RBFOX3: variants seen among roughly 807,000 people sequenced by gnomAD.
The protein encoded by RBFOX3 is RNA binding fox-1 homolog 3.
In RBFOX3, 17 loss-of-function variants were observed where a neutral mutation model predicts 48.7. That is an observed-to-expected ratio of 0.35 (90% confidence interval 0.24 to 0.52). The LOEUF (loss-of-function observed/expected upper bound fraction) is 0.52. Among genes scored for constraint, RBFOX3 ranks in the 20% least tolerant of loss-of-function variants. The probability of loss-of-function intolerance (pLI) is 0.94; values close to 1 mark genes in which losing one functional copy is unlikely to be tolerated. For synonymous variants in RBFOX3, 212 were observed against 209.5 expected (o/e 1.01, Z -0.10); for missense variants, 382 against 497.5 (o/e 0.77, Z 2.21).
In RBFOX3 at chr17:79,243,764, A is replaced by G. The variant is rs1223677168; in HGVS notation, c.-73-7959T>C. On this transcript the variant is annotated intron_variant, in intron 3 of 14. Coordinates refer to ENST00000693108, the MANE Select transcript of RBFOX3 (RefSeq NM_001350451.2). The surrounding 1 kb of genome is among the most constrained non-coding windows in gnomAD (Gnocchi z 7.9). ...CCCTGGGTCAGCCAGGCTCAGAAACAGAAGCCCAGAGAAGGAATTTTGCCA... is the reference window on the plus strand; with the variant it reads ...CCCTGGGTCAGCCAGGCTCAGAAACGGAAGCCCAGAGAAGGAATTTTGCCA... Among the ~76,000 whole-genome samples, 1 of 152,196 alleles carries G rather than the reference A, an allele frequency of 6.6e-6. No individual in the cohort carries two copies. Among genetic ancestry groups the G allele is most frequent in the African/African-American group, 2.4e-5 (1 of 41,452 alleles).
intron 4 of RBFOX3, among the ~76,000 whole-genome samples, chr17:79,133,795 C>T (rs1618632): frequency 0.18 from 26,909 of 152,160 alleles, 2,554 homozygotes; most frequent in Middle Eastern, 0.22. Context: ...CCAAAGCTCC[C>T]TCCCAGGGCC....
At chr17:79,399,782 C>T (rs1182890369) in intron 2 of RBFOX3, among the ~76,000 whole-genome samples, 1 of 152,236 alleles carries the variant, frequency 6.6e-6, no homozygotes, top group African/African-American at 2.4e-5. Flanking sequence ...GAGCAGCAGA[C>T]ACCACAGACC....
intron 6 of RBFOX3, among the ~76,000 whole-genome samples, chr17:79,106,357 T>C (rs2077366193): frequency 6.6e-6 from 1 of 151,734 alleles, no homozygotes; most frequent in Admixed American, 6.6e-5. Context: ...CTGGGGGGCA[T>C]GGGTGGATTT....
chr17:79,255,220 T>TGG (rs1449440306), intron 3 of RBFOX3, among the ~76,000 whole-genome samples: 4 of 116,650 alleles, frequency 3.4e-5, no homozygotes, highest in Non-Finnish European at 7.1e-5. Context: ...GTCACATGTG[T>TGG]GCGTGTGTGT....
intron 4 of RBFOX3, among the ~76,000 whole-genome samples, chr17:79,182,964 C>T (rs2052453342): frequency 6.6e-6 from 1 of 150,446 alleles, no homozygotes; most frequent in Non-Finnish European, 1.5e-5. Flanking sequence ...CCCCTCCCCT[C>T]GGGCTTCCCC....
chr17:79,239,478 C>T (rs933065744), intron 3 of RBFOX3, among the ~76,000 whole-genome samples: 3 of 152,228 alleles, frequency 2.0e-5, no homozygotes, highest in Non-Finnish European at 2.9e-5. Context: ...CATGCAGTCA[C>T]ACCCTTCAGC....
chr17:79,485,540 C>T (rs1167192377), intron 1 of RBFOX3, among the ~76,000 whole-genome samples: 1 of 152,218 alleles, frequency 6.6e-6, no homozygotes, highest in East Asian at 1.9e-4. Flanking sequence ...GCTCCTCCCC[C>T]ATCCAGCCTA....
chr17:79,651,796 T>C, the RBFOX3 span, among the ~76,000 whole-genome samples: 1 of 142,012 alleles, frequency 7.0e-6, no homozygotes, highest in African/African-American at 2.7e-5. Context: ...CTTCTCCCTC[T>C]CCTTCTCTGT....
intron 2 of RBFOX3, among the ~76,000 whole-genome samples, chr17:79,350,128 G>A (rs900912940): frequency 4.6e-5 from 7 of 152,152 alleles, no homozygotes; most frequent in South Asian, 2.1e-4. Context: ...GGAGGAGAGC[G>A]CCCAGGATGC....
chr17:79,116,458 C>T lies in RBFOX3; in HGVS notation c.-33-710G>A, dbSNP rs146041929. 3.8e-3 allele frequency among the ~76,000 whole-genome samples: 578 copies of T among 152,322 alleles called. 8 individuals carry two copies. The highest frequency in any genetic ancestry group is 0.013 in the African/African-American group (551 of 41,550). ...TCAACCTGGGAGGCAGGGGTTGCAGCGAGCCAAAATCGCACTATTGCGCTC... is the reference window on the plus strand; with the variant it reads ...TCAACCTGGGAGGCAGGGGTTGCAGTGAGCCAAAATCGCACTATTGCGCTC... On this transcript the variant is annotated intron_variant, in intron 4 of 14. Coordinates refer to ENST00000693108, the MANE Select transcript of RBFOX3 (RefSeq NM_001350451.2).
At chr17:79,178,007 A>C (rs986122699) in intron 4 of RBFOX3, among the ~76,000 whole-genome samples, 1 of 151,876 alleles carries the variant, frequency 6.6e-6, no homozygotes, top group Non-Finnish European at 1.5e-5. Flanking sequence ...CACAGCCCAC[A>C]TGCCCCGCCG....
chr17:79,551,865 C>T (rs1455363222), intron 1 of RBFOX3, among the ~76,000 whole-genome samples: 1 of 152,194 alleles, frequency 6.6e-6, no homozygotes, highest in Admixed American at 6.5e-5. Context: ...GTACAGCCTG[C>T]TCATGGCCAA....
intron 3 of RBFOX3, among the ~76,000 whole-genome samples, chr17:79,288,599 A>G (rs2072538882): frequency 1.3e-5 from 2 of 151,766 alleles, no homozygotes; most frequent in Admixed American, 1.3e-4. Flanking sequence ...CTCCTGCATG[A>G]TCCCTCGCCC....
intron 1 of RBFOX3, among the ~76,000 whole-genome samples, chr17:79,510,070 G>A (rs910896662): frequency 1.3e-5 from 2 of 152,112 alleles, no homozygotes; most frequent in Admixed American, 6.5e-5. Flanking sequence ...CTCAAGTGGC[G>A]GCGTGAATGG....
At chr17:79,233,631 G>A (rs993007582) in intron 4 of RBFOX3, 2 of 151,056 alleles carry the variant, frequency 1.3e-5, no homozygotes, top group East Asian at 1.9e-4. Context: ...TTTTTTAGAC[G>A]GAGTTTTGCT....
Position 79,111,063 on chromosome 17 carries a change from A to G in RBFOX3, c.223-4275T>C, listed in dbSNP as rs1203673812. ...ACTGTGAAGCCTGTAGTTATAGATG[A>G]GGTGGTCCAAATGGAAGATCAGGGC... is the stretch of plus-strand genomic sequence containing the variant. On this transcript the variant is annotated intron_variant, in intron 5 of 14. Coordinates refer to ENST00000693108, the MANE Select transcript of RBFOX3 (RefSeq NM_001350451.2). The surrounding 1 kb of genome is among the most constrained non-coding windows in gnomAD (Gnocchi z 4.2). 6.6e-6 allele frequency among the ~76,000 whole-genome samples: 1 copy of G among 152,192 alleles called. No homozygotes were observed. The highest frequency in any genetic ancestry group is 2.4e-5 in the African/African-American group (1 of 41,454).
chr17:79,429,554 T>C (rs2068035581), intron 2 of RBFOX3, among the ~76,000 whole-genome samples: 1 of 151,926 alleles, frequency 6.6e-6, no homozygotes, highest in Non-Finnish European at 1.5e-5. Flanking sequence ...AGAAGCCCAG[T>C]GTGGTGCCAG....
At chr17:79,414,686 C>T (rs79258113) in intron 2 of RBFOX3, among the ~76,000 whole-genome samples, 150 of 152,300 alleles carry the variant, frequency 9.8e-4, no homozygotes, top group African/African-American at 3.5e-3. Flanking sequence ...TAAGGAACTG[C>T]TGTGTGGGGT....
chr17:79,222,325 A>G (rs1473602303), intron 4 of RBFOX3, among the ~76,000 whole-genome samples: 3 of 152,112 alleles, frequency 2.0e-5, no homozygotes, highest in Non-Finnish European at 2.9e-5. Context: ...ATCCATCTAA[A>G]CCAAACATTT....
Sources: gnomAD v4.1 joint callset for allele counts (sites outside exome capture counted in the v4.1 genomes callset) on GRCh38, gnomAD v4.1.1 for gene constraint, Gnocchi (gnomAD v3.1) non-coding constraint, MANE v1.5 for transcripts, NCBI Gene and HGNC (gene_info 2026-07-23, HGNC 2026-07-21) for gene names.